The following HS3ST3B1 variants were observed in gnomAD, a reference collection of about 807,000 sequenced individuals.
The protein encoded by HS3ST3B1 is heparan sulfate glucosamine 3-O-sulfotransferase 3B1.
A neutral mutation model predicts 21.3 loss-of-function variants in HS3ST3B1; 13 were observed. The ratio of observed to expected loss-of-function variants is 0.61; its 90% CI spans 0.40 to 0.97. The LOEUF (loss-of-function observed/expected upper bound fraction) is 0.97, where lower values mean the gene tolerates loss of function less well. Among genes scored for constraint, HS3ST3B1 ranks in the 50% least tolerant of loss-of-function variants. The pLI is 0.00. For synonymous variants in HS3ST3B1, 234 were observed against 254.8 expected (o/e 0.92, Z 0.78); for missense variants, 459 against 554.8 (o/e 0.83, Z 1.73).
intron 1 of HS3ST3B1, among the ~76,000 whole-genome samples, chr17:14,311,363 G>A (rs59270391): frequency 0.016 from 2,481 of 152,200 alleles, 74 homozygotes; most frequent in African/African-American, 0.056. Flanking sequence ...ACAGGTGTGA[G>A]CCACCACGCC....
chr17:14,343,845 G>A (rs563997435), intron 1 of HS3ST3B1, among the ~76,000 whole-genome samples: 2 of 151,476 alleles, frequency 1.3e-5, no homozygotes, highest in Admixed American at 1.3e-4. Flanking sequence ...CAATTCCTGT[G>A]TATATCTATC....
In HS3ST3B1 at chr17:14,346,842, A is replaced by G. The variant is rs1043085556; in HGVS notation, c.*1196A>G. 5 of 152,310 alleles carry G rather than the reference A, an allele frequency of 3.3e-5. No homozygotes were observed. The highest frequency in any genetic ancestry group is 1.2e-4 in the African/African-American group (5 of 41,446). 9.4% of individuals were successfully genotyped at this position (152,310 alleles called of 1,614,324 possible). A position where few individuals can be genotyped will look rare whatever the true frequency, so the allele number is the denominator to read the frequency against. ...CCCGTAGGCTAGCAGAGCCACCAGCACAAACCAAGGGCGCTGGGTGTCGAG... is the reference window on the plus strand; with the variant it reads ...CCCGTAGGCTAGCAGAGCCACCAGCGCAAACCAAGGGCGCTGGGTGTCGAG... On this transcript the variant is annotated 3_prime_UTR_variant, in exon 2 of 2. Coordinates refer to ENST00000360954, the MANE Select transcript of HS3ST3B1 (RefSeq NM_006041.3).
intron 1 of HS3ST3B1, among the ~76,000 whole-genome samples, chr17:14,333,766 A>G (rs1260940481): frequency 5.3e-5 from 8 of 152,158 alleles, no homozygotes; most frequent in Admixed American, 5.2e-4. Flanking sequence ...GTGACCCAAC[A>G]TCACCTGGGG....
chr17:14,324,604 A>T (rs1909751336), intron 1 of HS3ST3B1, among the ~76,000 whole-genome samples: 1 of 151,646 alleles, frequency 6.6e-6, no homozygotes, highest in Admixed American at 6.6e-5. Flanking sequence ...ATTTTTATCT[A>T]TCGTTTGTTT....
rs548815003 is a variant in HS3ST3B1 at position 14,313,759 on chromosome 17, G to A, written c.554+11687G>A. On this transcript the variant is annotated intron_variant, in intron 1 of 1. Transcript: ENST00000360954. ...CTAATTTTGTATTTTTAGTAGAGGC[G>A]GGGTTCCACCATGTTGCTCAGGCTG... is the stretch of plus-strand genomic sequence containing the variant. Among the ~76,000 whole-genome samples the A allele has an allele frequency of 5.4e-4, 81 of 151,054 alleles. 1 individual carries two copies. Among genetic ancestry groups the A allele is most frequent in the African/African-American group, 1.9e-3 (78 of 41,128 alleles).
Position 14,348,628 on chromosome 17 carries a change from T to G in HS3ST3B1, c.*2982T>G, listed in dbSNP as rs946453519. 1 of 152,230 alleles carries G rather than the reference T, an allele frequency of 6.6e-6. No individual in the cohort carries two copies. The highest frequency in any genetic ancestry group is 6.5e-5 in the Admixed American group (1 of 15,282). 9.4% of individuals were successfully genotyped at this position (152,230 alleles called of 1,614,324 possible). On this transcript the variant is annotated 3_prime_UTR_variant, in exon 2 of 2. Coordinates refer to ENST00000360954, the MANE Select transcript of HS3ST3B1 (RefSeq NM_006041.3). Reference sequence around the variant, plus strand: ...CCAGAAGACAAACCCCCTTTTCTGTTTCGGCAATTTGTCCTGGCACGTGTT... The same window carrying G: ...CCAGAAGACAAACCCCCTTTTCTGTGTCGGCAATTTGTCCTGGCACGTGTT...
intron 1 of HS3ST3B1, among the ~76,000 whole-genome samples, chr17:14,324,127 G>A (rs957826351): frequency 7.9e-5 from 12 of 152,234 alleles, no homozygotes; most frequent in East Asian, 3.9e-4. Context: ...ATAATCTGGG[G>A]TTATTCTTAC....
rs5819468 is a variant in HS3ST3B1 at position 14,311,090 on chromosome 17, AT to A, written c.554+9030del. Among the ~76,000 whole-genome samples the A allele has an allele frequency of 6.2e-3, 919 of 148,208 alleles. 4 individuals are homozygous for A. Among genetic ancestry groups the A allele is most frequent in the Non-Finnish European group, 9.8e-3 (658 of 66,868 alleles). ...TTACTTTTTCATTCATCTAACAAGG[AT>A]TTTTTTTTTTTAAGACAGGGTCTTG... On this transcript the variant is annotated intron_variant, in intron 1 of 1. Transcript: ENST00000360954.
chr17:14,313,627 G>A (rs1433111201), intron 1 of HS3ST3B1, among the ~76,000 whole-genome samples: 1 of 152,070 alleles, frequency 6.6e-6, no homozygotes, highest in East Asian at 1.9e-4. Context: ...CTGGAATGCA[G>A]TGGTGTGATC....
intron 1 of HS3ST3B1, among the ~76,000 whole-genome samples, chr17:14,334,417 A>G (rs534692980): frequency 3.9e-5 from 6 of 152,204 alleles, no homozygotes; most frequent in South Asian, 2.1e-4. Flanking sequence ...CAGAGGAGCA[A>G]TTATAGCCAG....
Position 14,301,268 on chromosome 17 carries a change from G to T in HS3ST3B1, c.-251G>T. Reference sequence around the variant, plus strand: ...CCCGGGAGCAGACCCTCGCCCAGCAGTTACCGCCGTCCCGACTTTCCGTTC... The same window carrying T: ...CCCGGGAGCAGACCCTCGCCCAGCATTTACCGCCGTCCCGACTTTCCGTTC... On this transcript the variant is annotated 5_prime_UTR_variant, in exon 1 of 2. Transcript: ENST00000360954. 3 of 494,520 alleles carry T rather than the reference G, an allele frequency of 6.1e-6. No individual in the cohort carries two copies. The South Asian group carries it at 1.0e-4, about 16-fold the overall frequency. 30.6% of individuals were successfully genotyped at this position (494,520 alleles called of 1,614,324 possible).
chr17:14,338,608 A>G (rs1910270329), intron 1 of HS3ST3B1, among the ~76,000 whole-genome samples: 1 of 151,212 alleles, frequency 6.6e-6, no homozygotes, highest in Non-Finnish European at 1.5e-5. Context: ...GCGCCTGGCT[A>G]ATTTTTGTAT....
At position 14,301,270 on chromosome 17, in the gene HS3ST3B1, T is replaced by TA; in HGVS notation, c.-248dup. 2.0e-6 allele frequency: 1 copy of TA among 493,524 alleles called. No homozygotes were observed. 30.6% of individuals were successfully genotyped at this position (493,524 alleles called of 1,614,324 possible). ...CGGGAGCAGACCCTCGCCCAGCAGTTACCGCCGTCCCGACTTTCCGTTCCA... is the reference window on the plus strand; with the variant it reads ...CGGGAGCAGACCCTCGCCCAGCAGTTAACCGCCGTCCCGACTTTCCGTTCCA... On this transcript the variant is annotated 5_prime_UTR_variant, in exon 1 of 2. Transcript: ENST00000360954.
chr17:14,318,306 C>A (rs1909560893), intron 1 of HS3ST3B1, among the ~76,000 whole-genome samples: 1 of 152,172 alleles, frequency 6.6e-6, no homozygotes, highest in African/African-American at 2.4e-5. Context: ...CCCTGTCATT[C>A]TTCCGGGAGA....
intron 1 of HS3ST3B1, among the ~76,000 whole-genome samples, chr17:14,339,643 G>C (rs1373081178): frequency 6.6e-6 from 1 of 152,170 alleles, no homozygotes; most frequent in African/African-American, 2.4e-5. Flanking sequence ...AGGCGTTAAA[G>C]TAGGTGATAA....
intron 1 of HS3ST3B1, among the ~76,000 whole-genome samples, chr17:14,334,748 G>A (rs1186052140): frequency 6.6e-6 from 1 of 152,090 alleles, no homozygotes; most frequent in African/African-American, 2.4e-5. Context: ...TAGTTTCACT[G>A]CCCTAAAATA....
At chr17:14,318,293 G>T (rs920087571) in intron 1 of HS3ST3B1, among the ~76,000 whole-genome samples, 2 of 152,168 alleles carry the variant, frequency 1.3e-5, no homozygotes, top group Admixed American at 6.5e-5. Context: ...GCTGAGAGAG[G>T]ATCCCTGTCA....
intron 1 of HS3ST3B1, among the ~76,000 whole-genome samples, chr17:14,325,959 C>A (rs1042508973): frequency 1.3e-5 from 2 of 152,122 alleles, no homozygotes; most frequent in African/African-American, 4.8e-5. Context: ...CAGTCCTCAC[C>A]CCCTTGGAGG....
chr17:14,311,518 C>T (rs1192384962), intron 1 of HS3ST3B1, among the ~76,000 whole-genome samples: 2 of 152,216 alleles, frequency 1.3e-5, no homozygotes, highest in Admixed American at 6.5e-5. Context: ...TTTGTTACAA[C>T]TGATGAACCT....
Sources: allele counts gnomAD v4.1 joint callset (sites outside exome capture counted in the v4.1 genomes callset), GRCh38; gene constraint gnomAD v4.1.1; transcripts MANE v1.5; gene names NCBI Gene and HGNC (gene_info 2026-07-23, HGNC 2026-07-21).